OTUD7A: variants seen among roughly 807,000 people sequenced by gnomAD.
OTUD7A encodes the protein OTU deubiquitinase 7A.
In OTUD7A, 12 loss-of-function variants were observed where a neutral mutation model predicts 65.7. The observed-to-expected ratio is 0.18, with a 90% CI of 0.12 to 0.30. The LOEUF (loss-of-function observed/expected upper bound fraction) is 0.30, where lower values mean the gene tolerates loss of function less well. OTUD7A is among the 10% of genes least tolerant of loss of function. The probability of loss-of-function intolerance (pLI) is 1.00; values close to 1 mark genes in which losing one functional copy is unlikely to be tolerated. For synonymous variants in OTUD7A, 641 were observed against 586.3 expected (o/e 1.09, Z -1.35); for missense variants, 1,148 against 1,304.8 (o/e 0.88, Z 1.85).
chr15:31,862,667 CCT>C (rs34876154), intron 1 of OTUD7A, among the ~76,000 whole-genome samples: 60,502 of 151,826 alleles, frequency 0.4, 14,334 homozygotes, highest in Non-Finnish European at 0.52. Context: ...ATAACCTCCC[CCT>C]GAGTCCCTCC....
At chr15:31,746,632 G>A (rs1894487235) in intron 1 of OTUD7A, among the ~76,000 whole-genome samples, 1 of 151,780 alleles carries the variant, frequency 6.6e-6, no homozygotes, top group African/African-American at 2.4e-5. Flanking sequence ...GAGTAGCTGG[G>A]ATTACAAGCA....
At chr15:31,813,308 C>T (rs190350264) in intron 1 of OTUD7A, among the ~76,000 whole-genome samples, 9 of 152,272 alleles carry the variant, frequency 5.9e-5, no homozygotes, top group Admixed American at 2.0e-4. Context: ...CATTGTTAGG[C>T]TTCTGTACAG....
intron 1 of OTUD7A, among the ~76,000 whole-genome samples, chr15:31,719,350 C>G (rs1430107874): frequency 6.6e-6 from 1 of 151,880 alleles, no homozygotes; most frequent in Non-Finnish European, 1.5e-5. Context: ...CATGCCAAAA[C>G]TCAGCTGCAG....
At chr15:31,787,385 C>G (rs569011898) in intron 1 of OTUD7A, 2 of 152,280 alleles carry the variant, frequency 1.3e-5, no homozygotes, top group Admixed American at 6.5e-5. Context: ...AGGAGCTAAT[C>G]AGCTACGAAA....
intron 3 of OTUD7A, among the ~76,000 whole-genome samples, chr15:31,632,243 A>G (rs1244725920): frequency 6.6e-6 from 1 of 152,058 alleles, no homozygotes; most frequent in Non-Finnish European, 1.5e-5. Flanking sequence ...GTCTTTGATG[A>G]TGGTGACGTA....
intron 8 of OTUD7A, among the ~76,000 whole-genome samples, chr15:31,505,308 A>G (rs2041542819): frequency 6.6e-6 from 1 of 152,244 alleles, no homozygotes; most frequent in Admixed American, 6.5e-5. Flanking sequence ...GAAGAGGAAC[A>G]GGATGTGACT....
chr15:31,574,638 T>C (rs895300360), intron 3 of OTUD7A, among the ~76,000 whole-genome samples: 7 of 152,214 alleles, frequency 4.6e-5, no homozygotes, highest in South Asian at 2.1e-4. Context: ...AACTGTTCAA[T>C]TGGCAATGAA....
In OTUD7A at chr15:31,527,176, C is replaced by G; in HGVS notation, c.780+5G>C. 1 of 1,613,998 alleles carries G rather than the reference C, an allele frequency of 6.2e-7. No homozygotes were observed. The highest frequency in any genetic ancestry group is 1.1e-5 in the South Asian group (1 of 91,082). ...CGGGCTCTGGCCATGCCAGTGGATA[C>G]CAACCTCCTTATTCTGCTGCGTCTG... is the stretch of plus-strand genomic sequence containing the variant. On this transcript the variant is annotated splice_donor_5th_base_variant and intron_variant, in intron 7 of 12. Transcript: ENST00000307050.
intron 1 of OTUD7A, among the ~76,000 whole-genome samples, chr15:31,868,509 A>G (rs1897939184): frequency 6.6e-6 from 1 of 152,182 alleles, no homozygotes; most frequent in Non-Finnish European, 1.5e-5. Flanking sequence ...CTCTGCCACA[A>G]CTCAAGAGTT....
At chr15:31,860,386 G>A (rs952923980) in intron 1 of OTUD7A, among the ~76,000 whole-genome samples, 3 of 151,686 alleles carry the variant, frequency 2.0e-5, no homozygotes, top group African/African-American at 7.3e-5. Flanking sequence ...TAAGCAATTC[G>A]AGAAAAAATG....
chr15:31,822,333 C>T (rs1040329744), intron 1 of OTUD7A, among the ~76,000 whole-genome samples: 1 of 152,200 alleles, frequency 6.6e-6, no homozygotes, highest in African/African-American at 2.4e-5. Context: ...TACCCTAGAC[C>T]CAGCTGCACC....
chr15:31,484,822 G>A lies in OTUD7A; in HGVS notation c.1372-98C>T. 6.7e-7 allele frequency: 1 copy of A among 1,494,152 alleles called. No homozygotes were observed. Among genetic ancestry groups the A allele is most frequent in the South Asian group, 1.3e-5 (1 of 75,506 alleles). 92.6% of individuals were successfully genotyped at this position (1,494,152 alleles called of 1,614,324 possible). ...CCTTGCCCCTGTGTTGCCGAGGCTAGGGCCCTGGACCTTCACTGTCCCAGT... is the reference window on the plus strand; with the variant it reads ...CCTTGCCCCTGTGTTGCCGAGGCTAAGGCCCTGGACCTTCACTGTCCCAGT... On this transcript the variant is annotated intron_variant, in intron 12 of 12. Transcript: ENST00000307050. This position sits in a 1 kb window ranked among gnomAD's most constrained non-coding sequence, Gnocchi z 4.5.
intron 5 of OTUD7A, among the ~76,000 whole-genome samples, chr15:31,546,781 C>T (rs562569697): frequency 5.1e-4 from 77 of 152,228 alleles, no homozygotes; most frequent in African/African-American, 1.7e-3. Flanking sequence ...GTGCAATACA[C>T]CAATGAGAAT....
At chr15:31,564,439 G>A (rs936893556) in intron 4 of OTUD7A, among the ~76,000 whole-genome samples, 1 of 145,716 alleles carries the variant, frequency 6.9e-6, no homozygotes, top group African/African-American at 2.5e-5. Flanking sequence ...AAATAAAGGA[G>A]TTAATTGTTA....
intron 8 of OTUD7A, among the ~76,000 whole-genome samples, chr15:31,521,419 G>T (rs2141111642): frequency 6.6e-6 from 1 of 152,230 alleles, no homozygotes; most frequent in East Asian, 1.9e-4. Context: ...TTAAAAATTT[G>T]AGCCGGGTCC....
chr15:31,846,933 A>G (rs1371908519), intron 1 of OTUD7A, among the ~76,000 whole-genome samples: 4 of 152,280 alleles, frequency 2.6e-5, no homozygotes, highest in African/African-American at 7.2e-5. Flanking sequence ...TGCCAAGGGC[A>G]GCAAGATTTA....
At chr15:31,791,332 T>C (rs1009030045) in intron 1 of OTUD7A, among the ~76,000 whole-genome samples, 26 of 152,196 alleles carry the variant, frequency 1.7e-4, no homozygotes, top group Non-Finnish European at 1.5e-5. Flanking sequence ...GCCCTACTAA[T>C]AGTCATCTTA....
intron 3 of OTUD7A, among the ~76,000 whole-genome samples, chr15:31,643,747 T>C (rs1450019290): frequency 6.6e-6 from 1 of 152,240 alleles, no homozygotes; most frequent in African/African-American, 2.4e-5. Context: ...TATATTTCTA[T>C]AAATATTATT....
intron 1 of OTUD7A, among the ~76,000 whole-genome samples, chr15:31,657,338 G>A (rs1892021108): frequency 6.6e-6 from 1 of 152,004 alleles, no homozygotes. Context: ...GCACAGCACA[G>A]AGCTGTTTTT....
Sources: gnomAD v4.1 joint callset for allele counts (sites outside exome capture counted in the v4.1 genomes callset) on GRCh38, gnomAD v4.1.1 for gene constraint, Gnocchi (gnomAD v3.1) non-coding constraint, MANE v1.5 for transcripts, NCBI Gene and HGNC (gene_info 2026-07-23, HGNC 2026-07-21) for gene names.